DMD: variants seen among roughly 807,000 people sequenced by gnomAD.
DMD encodes the protein dystrophin.
In DMD, 63 loss-of-function variants were observed where a neutral mutation model predicts 330.1. The ratio of observed to expected loss-of-function variants is 0.19; its 90% CI spans 0.16 to 0.24. The LOEUF is 0.24. Ranked by LOEUF, DMD falls within the 10% of genes least tolerant of loss-of-function variation. The probability of loss-of-function intolerance (pLI) is 1.00; values close to 1 mark genes in which losing one functional copy is unlikely to be tolerated. For synonymous variants in DMD, 1,223 were observed against 959.8 expected (o/e 1.27, Z -5.07); for missense variants, 3,344 against 2,684.1 (o/e 1.25, Z -5.43).
chrX:31,364,762 C>A (rs1161181460), intron 60 of DMD, among the ~76,000 whole-genome samples: 2 of 111,157 alleles, frequency 1.8e-5, no homozygotes, highest in Non-Finnish European at 3.8e-5. Flanking sequence ...GGCATTAATT[C>A]TCCAAAGATT....
chrX:32,324,180 T>C (rs954636101), intron 41 of DMD, among the ~76,000 whole-genome samples: 2 of 111,433 alleles, frequency 1.8e-5, no homozygotes, highest in Non-Finnish European at 3.8e-5. Context: ...GATAAATACT[T>C]GAGATGATGG....
intron 1 of DMD, among the ~76,000 whole-genome samples, chrX:33,181,797 A>C (rs2050015324): frequency 1.8e-5 from 2 of 111,930 alleles, no homozygotes; most frequent in African/African-American, 6.5e-5. Context: ...GAAAAATACT[A>C]TGTGAAAGTC....
At chrX:33,186,780 T>C (rs1336923811) in intron 1 of DMD, among the ~76,000 whole-genome samples, 1 of 111,793 alleles carries the variant, frequency 8.9e-6, no homozygotes, top group African/African-American at 3.2e-5. Flanking sequence ...TTTGGATATT[T>C]GACTTGTCTA....
intron 62 of DMD, among the ~76,000 whole-genome samples, chrX:31,284,577 T>TCTTTCTTCTTCCTTCTTCTTCTTCTC (rs2052951776): frequency 1.1e-5 from 1 of 93,266 alleles, no homozygotes; most frequent in African/African-American, 4.2e-5. Context: ...TTCTTCTTCT[T>TCTTTCTTCTTCCTTCTTCTTCTTCTC]CTTCTTCTTC....
At chrX:33,131,877 C>T (rs773019253) in intron 1 of DMD, among the ~76,000 whole-genome samples, 4 of 111,856 alleles carry the variant, frequency 3.6e-5, no homozygotes, top group Non-Finnish European at 5.6e-5. Flanking sequence ...CAGGGGAAAG[C>T]GTATCAATGT....
intron 2 of DMD, among the ~76,000 whole-genome samples, chrX:32,909,873 G>T (rs1185352796): frequency 8.9e-6 from 1 of 111,741 alleles, no homozygotes; most frequent in East Asian, 2.8e-4. Context: ...CAAGCCTTTT[G>T]TTCTTCACTC....
At chrX:32,423,604 T>C (rs947061215) in intron 29 of DMD, among the ~76,000 whole-genome samples, 3 of 110,934 alleles carry the variant, frequency 2.7e-5, no homozygotes, top group African/African-American at 9.8e-5. Context: ...CTGTTTTATA[T>C]AATATTTCGG....
chrX:32,668,735 T>A (rs900645724), intron 9 of DMD, among the ~76,000 whole-genome samples: 2 of 108,855 alleles, frequency 1.8e-5, no homozygotes, highest in African/African-American at 6.9e-5. Context: ...TCTTGCTCTC[T>A]GATAAAACTT....
At chrX:31,139,137 A>G (rs1250526136) in intron 76 of DMD, among the ~76,000 whole-genome samples, 1 of 111,578 alleles carries the variant, frequency 9.0e-6, no homozygotes, top group Non-Finnish European at 1.9e-5. Context: ...CTCTACTCCA[A>G]GGTGATTTCC....
At chrX:33,285,594 G>A (rs1263985537) in intron 1 of DMD, among the ~76,000 whole-genome samples, 2 of 111,628 alleles carry the variant, frequency 1.8e-5, no homozygotes, top group African/African-American at 6.5e-5. Flanking sequence ...TCCCTTCTCT[G>A]GCGACTATCA....
At chrX:32,633,475 T>G (rs951998777) in intron 11 of DMD, among the ~76,000 whole-genome samples, 1 of 111,932 alleles carries the variant, frequency 8.9e-6, no homozygotes, top group African/African-American at 3.3e-5. Flanking sequence ...AAATTTTCCC[T>G]CATCTGTCTT....
chrX:32,850,925 C>A (rs1184995963), intron 2 of DMD, among the ~76,000 whole-genome samples: 1 of 111,072 alleles, frequency 9.0e-6, no homozygotes, highest in Non-Finnish European at 1.9e-5. Flanking sequence ...TAGAGTCCAG[C>A]AAAGAAAATA....
intron 7 of DMD, among the ~76,000 whole-genome samples, chrX:32,705,425 A>AC (rs2064530390): frequency 8.9e-6 from 1 of 111,976 alleles, no homozygotes; most frequent in Non-Finnish European, 1.9e-5. Context: ...AGAAACACAA[A>AC]ACAATTTTAT....
At chrX:31,737,591 C>T (rs1248606407) in intron 51 of DMD, among the ~76,000 whole-genome samples, 1 of 112,163 alleles carries the variant, frequency 8.9e-6, no homozygotes, top group Non-Finnish European at 1.9e-5. Flanking sequence ...GCTGATGCCT[C>T]CCAACACAAG....
chrX:31,284,608 T>TCTTCTTCTTCTTCTTCTTC (rs2053009274), intron 62 of DMD, among the ~76,000 whole-genome samples: 1 of 28,041 alleles, frequency 3.6e-5, no homozygotes, highest in African/African-American at 1.0e-4. Context: ...TCTTCTTCTT[T>TCTTCTTCTTCTTCTTCTTC]TTTTTGGCAG....
At chrX:31,138,667 GAGAGAGA>G (rs1230646884) in intron 76 of DMD, among the ~76,000 whole-genome samples, 2 of 91,579 alleles carry the variant, frequency 2.2e-5, no homozygotes, top group African/African-American at 8.2e-5. Flanking sequence ...GAGAGAGAGA[GAGAGAGA>G]GAGAGAGAGA....
intron 6 of DMD, among the ~76,000 whole-genome samples, chrX:32,810,957 A>T (rs1019578412): frequency 1.8e-5 from 2 of 110,870 alleles, no homozygotes; most frequent in Non-Finnish European, 3.8e-5. Flanking sequence ...AGACATAAAC[A>T]TGGCTCACTC....
intron 1 of DMD, among the ~76,000 whole-genome samples, chrX:33,318,081 G>A (rs1222400122): frequency 9.0e-6 from 1 of 110,778 alleles, no homozygotes; most frequent in Non-Finnish European, 1.9e-5. Context: ...TATTGCACTG[G>A]TACCTTATCA....
chrX:32,684,694 AT>A (rs753763977), intron 9 of DMD, among the ~76,000 whole-genome samples: 4 of 110,898 alleles, frequency 3.6e-5, no homozygotes, highest in African/African-American at 9.8e-5. Flanking sequence ...TTTATATTAT[AT>A]TTTTTTATTA....
Sources: allele counts gnomAD v4.1 joint callset (sites outside exome capture counted in the v4.1 genomes callset), GRCh38; gene constraint gnomAD v4.1.1; transcripts MANE v1.5; gene names NCBI Gene and HGNC (gene_info 2026-07-23, HGNC 2026-07-21).